TERF2: variants seen among roughly 807,000 people sequenced by gnomAD.
TERF2 encodes the protein telomeric repeat binding factor 2.
TERF2 carries 16 observed loss-of-function variants against 56.1 expected under a neutral mutation model. That is an observed-to-expected ratio of 0.29 (90% CI 0.19 to 0.43). The LOEUF (loss-of-function observed/expected upper bound fraction) is 0.43, where lower values mean the gene tolerates loss of function less well. Among genes scored for constraint, TERF2 ranks in the 20% least tolerant of loss-of-function variants. The pLI is 1.00. For synonymous variants in TERF2, 296 were observed against 282.1 expected, an observed-to-expected ratio of 1.05 and a Z score of -0.50; for missense variants, 547 against 712.9, an observed-to-expected ratio of 0.77 and a Z score of 2.65.
In TERF2 at chr16:69,385,579, G is replaced by A. The variant is rs763822627; in HGVS notation, c.379+14C>T. The stretch of plus-strand genomic sequence containing the variant: ...CCCGGCGCTCCAACCCCCCTCCCCC[G>A]GCCCGGCCCTCACCCTGCATGATGT... On this transcript the variant is annotated intron_variant, in intron 1 of 9. Coordinates refer to ENST00000254942, the MANE Select transcript of TERF2 (RefSeq NM_005652.5). The A allele has an allele frequency of 9.6e-6, 5 of 521,510 alleles. No individual in the cohort carries two copies. Among genetic ancestry groups the A allele is most frequent in the East Asian group, 5.5e-5 (1 of 18,204 alleles). The allele number at this position is 521,510 out of a possible 1,614,324, so 32.3% of individuals were successfully genotyped here.
At chr16:69,370,090 G>T in intron 5 of TERF2, 1 of 208,566 alleles carries the variant, frequency 4.8e-6, no homozygotes, top group Non-Finnish European at 9.6e-6. Context: ...GAGTGCAATG[G>T]CGCAATCTTG....
At chr16:69,377,756 T>C (rs2013847189) in intron 3 of TERF2, among the ~76,000 whole-genome samples, 1 of 152,230 alleles carries the variant, frequency 6.6e-6, no homozygotes, top group Middle Eastern at 3.2e-3. Flanking sequence ...TATGGAAATA[T>C]GACTGACTTT....
chr16:69,364,736 C>T (rs182646372), intron 7 of TERF2, among the ~76,000 whole-genome samples: 2 of 152,286 alleles, frequency 1.3e-5, no homozygotes, highest in Admixed American at 1.3e-4. Context: ...ATGTTTGTTC[C>T]TCTATAAAAT....
At chr16:69,384,234 T>A (rs532254737) in intron 3 of TERF2, among the ~76,000 whole-genome samples, 1 of 152,316 alleles carries the variant, frequency 6.6e-6, no homozygotes, top group South Asian at 2.1e-4. Flanking sequence ...GTTTATCTCC[T>A]TGGTTTATTA....
intron 7 of TERF2, among the ~76,000 whole-genome samples, chr16:69,364,506 C>T (rs1252013374): frequency 6.6e-6 from 1 of 151,942 alleles, no homozygotes; most frequent in African/African-American, 2.4e-5. Flanking sequence ...CTGCCTGACA[C>T]ACTAGACTAC....
rs1380835288 is a variant in TERF2, at chr16:69,366,827, G to A, written c.1320C>T (p.Leu440=). 6.2e-7 allele frequency: 1 copy of A among 1,612,814 alleles called. No homozygotes were observed. Residue 440 remains leucine (L), a synonymous_variant, in exon 7 of 10, where the codon CTC becomes CTT. Coordinates refer to ENST00000254942, the MANE Select transcript of TERF2 (RefSeq NM_005652.5). The stretch of plus-strand genomic sequence containing the variant: ...CATACTTGGGATTCTTCTCTCCAGG[G>A]AGGGGTTGGTTGAGAACGGTGGGCT... ...PSKPTVLNQP[L]PGEKNPKVPK... is the part of the protein sequence containing the mutation.
intron 3 of TERF2, among the ~76,000 whole-genome samples, chr16:69,384,053 C>G (rs987030897): frequency 2.0e-5 from 3 of 152,216 alleles, no homozygotes; most frequent in African/African-American, 2.4e-5. Flanking sequence ...AATTCAAGAA[C>G]ACTGCCTGTG....
intron 3 of TERF2, among the ~76,000 whole-genome samples, chr16:69,379,929 T>G (rs762574631): frequency 1.1e-4 from 16 of 152,142 alleles, no homozygotes; most frequent in Non-Finnish European, 1.9e-4. Context: ...GGTTTTTTTT[T>G]GAGACAGAGT....
At chr16:69,362,314 C>T (rs1026605295) in intron 7 of TERF2, among the ~76,000 whole-genome samples, 1 of 152,082 alleles carries the variant, frequency 6.6e-6, no homozygotes, top group Non-Finnish European at 1.5e-5. Context: ...CCTCTAACTA[C>T]CAACCACAAC....
At chr16:69,375,246 C>T (rs934995316) in intron 3 of TERF2, among the ~76,000 whole-genome samples, 1 of 152,196 alleles carries the variant, frequency 6.6e-6, no homozygotes, top group African/African-American at 2.4e-5. Flanking sequence ...TAAAACTTCT[C>T]ATTTCTCTAA....
intron 3 of TERF2, among the ~76,000 whole-genome samples, chr16:69,378,221 C>T (rs2013865295): frequency 6.6e-6 from 1 of 152,184 alleles, no homozygotes; most frequent in Non-Finnish European, 1.5e-5. Flanking sequence ...GCCTTGCATT[C>T]CTGGACTTTG....
chr16:69,367,548 C>T (rs927191286), intron 6 of TERF2, among the ~76,000 whole-genome samples: 9 of 152,036 alleles, frequency 5.9e-5, no homozygotes, highest in African/African-American at 1.5e-4. Context: ...CCACCACACC[C>T]GGCCTACAAC....
Position 69,385,867 on chromosome 16 carries a change from C to A in TERF2, c.105G>T (p.Glu35Asp). Reference protein sequence around the residue: ...PRKRPGREGGEGARRSDTMAG... With the variant: ...PRKRPGREGGDGARRSDTMAG... ...CCATCGTGTCCGATCGCCGCGCGCC[C>A]TCCCCGCCCTCCCGGCCGGGCCGCT... The change falls in exon 1 of 10, where the codon GAG (glutamate) becomes GAT (aspartate). Residue 35 changes from glutamate to aspartate, a missense_variant. This residue lies in a region of TERF2 where 85 missense variants were observed against 59.5 expected (regional missense o/e 1.43). Transcript: ENST00000254942. 7.3e-7 allele frequency: 1 copy of A among 1,370,860 alleles called. No individual in the cohort carries two copies. The highest frequency in any genetic ancestry group is 9.4e-7 in the Non-Finnish European group (1 of 1,059,960). 84.9% of individuals were successfully genotyped at this position (1,370,860 alleles called of 1,614,324 possible). A position where few individuals can be genotyped will look rare whatever the true frequency, so the allele number is the denominator to read the frequency against.
At chr16:69,375,587 T>A (rs72797162) in intron 3 of TERF2, among the ~76,000 whole-genome samples, 30 of 152,312 alleles carry the variant, frequency 2.0e-4, no homozygotes, top group Non-Finnish European at 2.8e-4. Flanking sequence ...TGTTTTGAAA[T>A]ATGTAACTAA....
At chr16:69,372,403 T>A in intron 3 of TERF2, 48 bp from the exon 4 acceptor site, 1 of 1,199,188 alleles carries the variant, frequency 8.3e-7, no homozygotes. Flanking sequence ...ATGACAGGTG[T>A]AATCAGAATA....
rs576994298 is a variant in TERF2 at position 69,370,251 on chromosome 16, G to A, written c.840+232C>T. The stretch of plus-strand genomic sequence containing the variant: ...TCACCATGTTGCTCAGGCAGGTCTC[G>A]AACTCCTGACCTCAGGTGATCCACC... On this transcript the variant is annotated intron_variant, in intron 5 of 9. Coordinates refer to ENST00000254942, the MANE Select transcript of TERF2 (RefSeq NM_005652.5). The A allele has an allele frequency of 2.4e-5, 12 of 502,546 alleles. No individual in the cohort carries two copies. In the East Asian group the frequency reaches 2.8e-4, roughly 12 times the overall value. The allele number at this position is 502,546 out of a possible 1,614,324, so 31.1% of individuals were successfully genotyped here.
chr16:69,368,606 A>C (rs760193304), intron 5 of TERF2, 124 bp from the exon 6 acceptor site: 2 of 1,542,736 alleles, frequency 1.3e-6, no homozygotes, highest in South Asian at 2.4e-5. Context: ...CTAGGCATAA[A>C]ACGAAGGACA....
rs377082000 is a variant in TERF2, at chr16:69,368,453, G to A, written c.870C>T (p.Ser290=). 94 of 1,614,090 alleles carry A rather than the reference G, an allele frequency of 5.8e-5. 1 individual carries two copies. In the East Asian group the frequency reaches 1.0e-3, roughly 17 times the overall value. ...CTTCCTTCCCTGTACTTGAGGCAGC[G>A]GACTCAGATTTCAAAGCCTTTTTGG... ...TMAKKALKSE[S]AASSTGKEDK... is the part of the protein sequence containing the mutation. The change falls in exon 6 of 10, where the codon TCC becomes TCT. Residue 290 remains serine, a synonymous_variant. Transcript: ENST00000254942.
In TERF2 at chr16:69,367,067, T is replaced by C. The variant is rs965670502; in HGVS notation, c.1080A>G (p.Gln360=). The change falls in exon 7 of 10, where the codon CAA becomes CAG. Residue 360 remains glutamine (Q), a synonymous_variant. Transcript: ENST00000254942. ...TGAGGGCTGGTGATGCTGGGAGAGC[T>C]TGAGTAGGAAGAACCAGATCCTTCT... ...LDQKDLVLPT[Q]ALPASPALKN... is the part of the protein sequence containing the mutation. 4 of 1,614,034 alleles carry C rather than the reference T, an allele frequency of 2.5e-6. No homozygotes were observed. The Admixed American group carries it at 6.7e-5, about 27-fold the overall frequency.
Sources: allele counts gnomAD v4.1 joint callset (sites outside exome capture counted in the v4.1 genomes callset), GRCh38; gene constraint gnomAD v4.1.1; regional missense constraint gnomAD v4.1.1; transcripts MANE v1.5; gene names NCBI Gene and HGNC (gene_info 2026-07-23, HGNC 2026-07-21).